The following TRIQK variants were observed in gnomAD, a reference collection of about 807,000 sequenced individuals.
The protein encoded by TRIQK is triple QxxK/R motif containing.
Under a neutral mutation model 10.8 loss-of-function variants are expected in TRIQK, and 10 were observed. The ratio of observed to expected loss-of-function variants is 0.92; its 90% CI spans 0.57 to 1.57. The LOEUF is 1.57. TRIQK is among the 40% of genes most tolerant of loss of function. The probability of loss-of-function intolerance (pLI) is 0.00; values close to 1 mark genes in which losing one functional copy is unlikely to be tolerated. For synonymous variants in TRIQK, 33 were observed against 33.7 expected (o/e 0.98, Z 0.07); for missense variants, 107 against 97.7 (o/e 1.09, Z -0.40).
chr8:92,977,982 T>C (rs553810797), intron 1 of TRIQK, among the ~76,000 whole-genome samples: 2 of 152,276 alleles, frequency 1.3e-5, no homozygotes, highest in South Asian at 4.1e-4. Flanking sequence ...TTTCTGACCA[T>C]GTGTTGGTCT....
At chr8:93,003,591 G>C (rs1414983905) in intron 1 of TRIQK, among the ~76,000 whole-genome samples, 1 of 151,922 alleles carries the variant, frequency 6.6e-6, no homozygotes, top group Non-Finnish European at 1.5e-5. Context: ...AACACAATCA[G>C]GCCTTTCCAA....
chr8:92,884,584 C>A lies in TRIQK; in HGVS notation c.*2038G>T. On this transcript the variant is annotated 3_prime_UTR_variant, in exon 5 of 5. Coordinates refer to ENST00000521988, the MANE Select transcript of TRIQK (RefSeq NM_001171797.2). ...CAAAAACATTTTTCCCCAAAAAATA[C>A]CTCAAGGGTAAAACAGAATGGTAAA... 1 of 311,912 alleles carries A rather than the reference C, an allele frequency of 3.2e-6. No individual in the cohort carries two copies. The highest frequency in any genetic ancestry group is 2.8e-5 in the South Asian group (1 of 35,678). The allele number at this position is 311,912 out of a possible 1,614,324, so 19.3% of individuals were successfully genotyped here.
chr8:92,991,759 C>G (rs1183878580), intron 1 of TRIQK, among the ~76,000 whole-genome samples: 2 of 152,112 alleles, frequency 1.3e-5, no homozygotes, highest in Non-Finnish European at 2.9e-5. Context: ...AAAATCCCAT[C>G]GTCTCAGCCC....
intron 3 of TRIQK, among the ~76,000 whole-genome samples, chr8:92,913,668 A>G (rs1484593797): frequency 6.6e-6 from 1 of 152,188 alleles, no homozygotes; most frequent in Non-Finnish European, 1.5e-5. Flanking sequence ...ACACATCCAC[A>G]CTTATGTTTA....
chr8:92,897,491 A>G (rs560947968), intron 3 of TRIQK, among the ~76,000 whole-genome samples: 3 of 152,204 alleles, frequency 2.0e-5, no homozygotes, highest in Non-Finnish European at 4.4e-5. Context: ...ATTAGTTATC[A>G]CAGGAGTGGG....
intron 3 of TRIQK, 36 bp downstream of exon 3, chr8:92,916,893 T>C: frequency 7.3e-7 from 1 of 1,364,750 alleles, no homozygotes; most frequent in South Asian, 1.7e-5. Flanking sequence ...TTTATCTCAA[T>C]TAATAGGAGT....
intron 4 of TRIQK, among the ~76,000 whole-genome samples, chr8:92,890,053 T>G (rs926954784): frequency 6.6e-6 from 1 of 151,766 alleles, no homozygotes; most frequent in Non-Finnish European, 1.5e-5. Context: ...TAGTCCTTAG[T>G]TGCTTCTCTG....
Position 92,946,976 on chromosome 8 carries a change from A to G in TRIQK, c.-22+7430T>C, listed in dbSNP as rs935727636. 2.6e-5 allele frequency among the ~76,000 whole-genome samples: 4 copies of G among 151,656 alleles called. No homozygotes were observed. The East Asian group carries it at 7.9e-4, about 30-fold the overall frequency. Reference sequence around the variant, plus strand: ...GAGATGGGGTTTCACCGTGTTAGCCAGGATGGTGTCGATCTCCTGACCTCG... The same window carrying G: ...GAGATGGGGTTTCACCGTGTTAGCCGGGATGGTGTCGATCTCCTGACCTCG... On this transcript the variant is annotated intron_variant, in intron 2 of 4. Coordinates refer to ENST00000521988, the MANE Select transcript of TRIQK (RefSeq NM_001171797.2).
intron 3 of TRIQK, among the ~76,000 whole-genome samples, chr8:92,904,325 T>C (rs1192976689): frequency 6.6e-6 from 1 of 152,116 alleles, no homozygotes; most frequent in African/African-American, 2.4e-5. Flanking sequence ...ATTACTCCCT[T>C]TCTTTACTAA....
chr8:92,973,166 G>A (rs1213304327), intron 1 of TRIQK: 2 of 152,168 alleles, frequency 1.3e-5, no homozygotes, highest in East Asian at 3.8e-4. Context: ...ATCAAGAAAT[G>A]AAATAAGAAC....
At chr8:92,923,930 C>G (rs1418656845) in intron 2 of TRIQK, among the ~76,000 whole-genome samples, 1 of 151,884 alleles carries the variant, frequency 6.6e-6, no homozygotes, top group African/African-American at 2.4e-5. Flanking sequence ...AAATCTGAAG[C>G]CTTCACATAT....
intron 2 of TRIQK, among the ~76,000 whole-genome samples, chr8:92,931,164 A>G (rs915572020): frequency 1.7e-4 from 26 of 152,202 alleles, no homozygotes; most frequent in African/African-American, 6.3e-4. Context: ...ATTTCTGAGT[A>G]ATACATCTGT....
intron 2 of TRIQK, among the ~76,000 whole-genome samples, chr8:92,938,548 T>G (rs1271686422): frequency 6.6e-6 from 1 of 152,162 alleles, no homozygotes; most frequent in Non-Finnish European, 1.5e-5. Flanking sequence ...TTCATCAAAT[T>G]TGGAAAAACT....
chr8:92,970,329 G>T (rs1483041019), upstream of TRIQK, among the ~76,000 whole-genome samples: 1 of 152,104 alleles, frequency 6.6e-6, no homozygotes, highest in African/African-American at 2.4e-5. Flanking sequence ...TTGCTGAGTG[G>T]AATGGTGGTT....
intron 1 of TRIQK, among the ~76,000 whole-genome samples, chr8:92,987,192 A>C (rs538066699): frequency 9.2e-4 from 140 of 152,344 alleles, no homozygotes; most frequent in African/African-American, 3.1e-3. Flanking sequence ...CACATAGGCC[A>C]TTGAAGCATC....
At chr8:92,945,586 C>T (rs550589714) in intron 2 of TRIQK, among the ~76,000 whole-genome samples, 4 of 152,168 alleles carry the variant, frequency 2.6e-5, no homozygotes, top group Middle Eastern at 3.2e-3. Context: ...CATGACTAAG[C>T]AACAGTCTGT....
chr8:92,934,139 G>T (rs1328543825), intron 2 of TRIQK, among the ~76,000 whole-genome samples: 1 of 151,970 alleles, frequency 6.6e-6, no homozygotes, highest in African/African-American at 2.4e-5. Context: ...GTTTCCAAAA[G>T]ACGTTCAATG....
intron 1 of TRIQK, among the ~76,000 whole-genome samples, chr8:93,012,139 T>C (rs1323693936): frequency 6.6e-6 from 1 of 152,056 alleles, no homozygotes; most frequent in Non-Finnish European, 1.5e-5. Context: ...GGGAAAGCAA[T>C]ATGGGCTAAT....
At chr8:93,003,234 G>A (rs549643911) in intron 1 of TRIQK, among the ~76,000 whole-genome samples, 1 of 151,972 alleles carries the variant, frequency 6.6e-6, no homozygotes, top group Admixed American at 6.5e-5. Context: ...AGGCATGGCT[G>A]GGTGGGGGCG....
Sources: gnomAD v4.1 joint callset for allele counts (sites outside exome capture counted in the v4.1 genomes callset) on GRCh38, gnomAD v4.1.1 for gene constraint, MANE v1.5 for transcripts, NCBI Gene and HGNC (gene_info 2026-07-23, HGNC 2026-07-21) for gene names.